Variants in CCDC141 observed in about 807,000 individuals in gnomAD.
CCDC141 encodes coiled-coil domain containing 141.
Under a neutral mutation model 181.0 loss-of-function variants are expected in CCDC141, and 168 were observed. The observed-to-expected ratio is 0.93, with a 90% CI of 0.82 to 1.05. The LOEUF is 1.05. Among genes scored for constraint, CCDC141 ranks in the 50% least tolerant of loss-of-function variants. The probability of loss-of-function intolerance (pLI) is 0.00; values close to 1 mark genes in which losing one functional copy is unlikely to be tolerated. For missense variants in CCDC141, 1,902 were observed against 1,788.5 expected, an observed-to-expected ratio of 1.06 and a Z score of -1.14; for synonymous variants, 666 against 642.3, an observed-to-expected ratio of 1.04 and a Z score of -0.56.
chr2:178,890,409 G>A (rs971814642), intron 8 of CCDC141, among the ~76,000 whole-genome samples: 6 of 152,126 alleles, frequency 3.9e-5, no homozygotes, highest in Non-Finnish European at 7.4e-5. Context: ...TTGGAGGGGA[G>A]TCCAAATTTT....
intron 14 of CCDC141, among the ~76,000 whole-genome samples, chr2:178,870,933 C>G (rs1686088973): frequency 6.6e-6 from 1 of 151,964 alleles, no homozygotes; most frequent in Non-Finnish European, 1.5e-5. Context: ...TGCTCATATC[C>G]TGAAAGGTGG....
At position 178,834,325 on chromosome 2, in the gene CCDC141, C is replaced by A. The variant is rs1436828277; in HGVS notation, c.4441G>T (p.Ala1481Ser). The change falls in exon 24 of 24, where the codon GCT becomes TCT. Residue 1481 changes from alanine to serine, a missense_variant. Ala to Ser is a moderately conservative substitution (Grantham distance 99). Transcript: ENST00000443758. ...VCKADAGLYV[A>S]RAQNSSGALS... ...GCGCCGCTAGAGTTTTGGGCCCGAG[C>A]CACATAGAGGCCTGCGTCTGCCTTG... The A allele has an allele frequency of 2.0e-6, 3 of 1,535,946 alleles. No homozygotes were observed. Among genetic ancestry groups the A allele is most frequent in the East Asian group, 2.4e-5 (1 of 40,896 alleles).
chr2:178,846,123 GGGA>G (rs1242149260), intron 21 of CCDC141, among the ~76,000 whole-genome samples: 1 of 151,058 alleles, frequency 6.6e-6, no homozygotes, highest in Non-Finnish European at 1.5e-5. Flanking sequence ...AGATCTCTAG[GGGA>G]GAAGAAAGTA....
chr2:178,906,663 G>A (rs563429271), intron 7 of CCDC141, among the ~76,000 whole-genome samples: 62 of 152,192 alleles, frequency 4.1e-4, no homozygotes, highest in Non-Finnish European at 7.2e-4. Context: ...GGAAGCCAGT[G>A]AGCTTGCCAG....
At chr2:178,817,992 G>A in the CCDC141 span, among the ~76,000 whole-genome samples, 1 of 152,048 alleles carries the variant, frequency 6.6e-6, no homozygotes, top group African/African-American at 2.4e-5. Flanking sequence ...TAGTAGAGAC[G>A]AGATTTCACT....
At chr2:179,034,413 T>G (rs2043082486) in intron 2 of CCDC141, among the ~76,000 whole-genome samples, 1 of 152,158 alleles carries the variant, frequency 6.6e-6, no homozygotes, top group South Asian at 2.1e-4. Context: ...GCTGAATACT[T>G]GGATGATGAA....
At chr2:178,894,193 C>A (rs1224774833) in intron 8 of CCDC141, among the ~76,000 whole-genome samples, 2 of 152,136 alleles carry the variant, frequency 1.3e-5, no homozygotes, top group Non-Finnish European at 2.9e-5. Flanking sequence ...ACAATATCTC[C>A]ACAGACGCTT....
chr2:179,000,617 G>T (rs1368470070), intron 2 of CCDC141, among the ~76,000 whole-genome samples: 2 of 152,052 alleles, frequency 1.3e-5, no homozygotes, highest in Non-Finnish European at 2.9e-5. Context: ...CATAATTTAT[G>T]CAATTATTCC....
chr2:178,961,203 A>C, intron 5 of CCDC141, 27 bp downstream of exon 5: 1 of 1,547,410 alleles, frequency 6.5e-7, no homozygotes, highest in Non-Finnish European at 8.7e-7. Flanking sequence ...TGAGGCTGGA[A>C]CATCATCCAA....
chr2:179,041,431 CTTCTT>C (rs2043299441), intron 2 of CCDC141, among the ~76,000 whole-genome samples: 1 of 111,474 alleles, frequency 9.0e-6, no homozygotes, highest in African/African-American at 3.4e-5. Context: ...GCATGTATGT[CTTCTT>C]TTGAGAAGTG....
intron 7 of CCDC141, among the ~76,000 whole-genome samples, chr2:178,912,067 T>A (rs1688241557): frequency 6.6e-6 from 1 of 152,258 alleles, no homozygotes; most frequent in Admixed American, 6.5e-5. Context: ...AATATTTCAC[T>A]GCTCTTAGTC....
chr2:178,834,670 A>G (rs1684403525), intron 23 of CCDC141, among the ~76,000 whole-genome samples: 1 of 151,900 alleles, frequency 6.6e-6, no homozygotes, highest in Non-Finnish European at 1.5e-5. Context: ...TCCTGGGATC[A>G]AGCAATCCTC....
chr2:179,018,361 C>T (rs140054934), intron 2 of CCDC141, among the ~76,000 whole-genome samples: 6 of 152,196 alleles, frequency 3.9e-5, no homozygotes, highest in Non-Finnish European at 8.8e-5. Flanking sequence ...TTTATAGAAA[C>T]GCACTTAGTT....
intron 6 of CCDC141, among the ~76,000 whole-genome samples, chr2:178,935,348 C>T (rs1173356713): frequency 1.3e-5 from 2 of 152,276 alleles, no homozygotes; most frequent in Non-Finnish European, 2.9e-5. Context: ...TGATTTGACT[C>T]TCACTTATAT....
chr2:178,983,696 A>C (rs1691561546), intron 2 of CCDC141, among the ~76,000 whole-genome samples: 1 of 151,732 alleles, frequency 6.6e-6, no homozygotes, highest in African/African-American at 2.4e-5. Flanking sequence ...GATGCGATCA[A>C]CTGGAAGAAA....
At chr2:178,992,821 C>G (rs375258392) in intron 2 of CCDC141, among the ~76,000 whole-genome samples, 2 of 152,198 alleles carry the variant, frequency 1.3e-5, no homozygotes, top group African/African-American at 2.4e-5. Flanking sequence ...GCAGTTACCC[C>G]CAAGCTGCTG....
intron 17 of CCDC141, among the ~76,000 whole-genome samples, chr2:178,864,071 A>G (rs1468139755): frequency 6.6e-6 from 1 of 152,210 alleles, no homozygotes; most frequent in African/African-American, 2.4e-5. Context: ...ACAGGGAGCT[A>G]GAAACGGAGC....
intron 2 of CCDC141, among the ~76,000 whole-genome samples, chr2:178,993,171 T>C (rs775890775): frequency 6.6e-6 from 1 of 152,198 alleles, no homozygotes; most frequent in Non-Finnish European, 1.5e-5. Context: ...AAATCTGTTA[T>C]TTGTAAGCCA....
intron 2 of CCDC141, among the ~76,000 whole-genome samples, chr2:179,003,380 G>GGTA (rs2042037067): frequency 6.6e-6 from 1 of 152,176 alleles, no homozygotes; most frequent in Non-Finnish European, 1.5e-5. Flanking sequence ...GGTTCCACCA[G>GGTA]GTAGTAGCTC....
Sources: gnomAD v4.1 joint callset for allele counts (sites outside exome capture counted in the v4.1 genomes callset) on GRCh38, gnomAD v4.1.1 for gene constraint, MANE v1.5 for transcripts, NCBI Gene and HGNC (gene_info 2026-07-23, HGNC 2026-07-21) for gene names.